ZNF44: variants seen among roughly 807,000 people sequenced by gnomAD.
ZNF44 encodes the protein zinc finger protein 44.
A neutral mutation model predicts 11.7 loss-of-function variants in ZNF44; 9 were observed. The observed-to-expected ratio is 0.77, with a 90% CI of 0.46 to 1.35. The LOEUF (loss-of-function observed/expected upper bound fraction) is 1.35, where lower values mean the gene tolerates loss of function less well. ZNF44 is among the 40% of genes most tolerant of loss of function. The pLI is 0.00. For missense variants in ZNF44, 696 were observed against 743.1 expected (o/e 0.94, Z 0.74); for synonymous variants, 224 against 242.7 (o/e 0.92, Z 0.72).
chr19:12,286,876 G>C (rs1164665519), intron 1 of ZNF44, among the ~76,000 whole-genome samples: 1 of 151,768 alleles, frequency 6.6e-6, no homozygotes, highest in African/African-American at 2.4e-5. Flanking sequence ...AGTGAGCCAA[G>C]ATTGCACCAC....
At chr19:12,253,145 G>A (rs528694824) in intron 5 of ZNF44, among the ~76,000 whole-genome samples, 8 of 149,450 alleles carry the variant, frequency 5.4e-5, no homozygotes, top group South Asian at 4.2e-4. Context: ...CGCCTCAGCC[G>A]CCCGAAGTGC....
chr19:12,227,800 C>T (rs940304366), intron 3 of ZNF44, among the ~76,000 whole-genome samples: 1 of 152,142 alleles, frequency 6.6e-6, no homozygotes, highest in African/African-American at 2.4e-5. Flanking sequence ...AAATATAGCC[C>T]AAAGAAAGCC....
chr19:12,263,188 G>A lies in ZNF44; in HGVS notation c.1912+9299C>T, dbSNP rs553534791. Among the ~76,000 whole-genome samples the A allele has an allele frequency of 2.0e-5, 3 of 151,758 alleles. No homozygotes were observed. In the South Asian group the frequency reaches 6.2e-4, roughly 32 times the overall value. On this transcript the variant is annotated intron_variant and NMD_transcript_variant, in intron 5 of 7. Coordinates refer to the ZNF44 transcript ENST00000393337. The stretch of plus-strand genomic sequence containing the variant: ...CGCAACCTCCATCTCATGGGTTCAA[G>A]CAATTCTCCTGCCTCAGCCTCCTGA...
chr19:12,246,013 A>G (rs1004140825), downstream of ZNF44, among the ~76,000 whole-genome samples: 1 of 152,214 alleles, frequency 6.6e-6, no homozygotes, highest in African/African-American at 2.4e-5. Flanking sequence ...CATCAAAGAT[A>G]TAATTTGCAG....
At chr19:12,233,481 T>A (rs1284019921) in intron 2 of ZNF44, among the ~76,000 whole-genome samples, 1 of 147,414 alleles carries the variant, frequency 6.8e-6, no homozygotes, top group African/African-American at 2.5e-5. Context: ...CCGGAGAAAT[T>A]GAACATACTT....
At chr19:12,242,283 A>G (rs1916643621), upstream of ZNF44, among the ~76,000 whole-genome samples, 2 of 152,178 alleles carry the variant, frequency 1.3e-5, no homozygotes, top group South Asian at 4.2e-4. Flanking sequence ...CGAGGTGGGC[A>G]GATCACATGA....
chr19:12,250,592 C>T (rs571922783), intron 5 of ZNF44, among the ~76,000 whole-genome samples: 9 of 152,158 alleles, frequency 5.9e-5, no homozygotes, highest in Non-Finnish European at 5.9e-5. Context: ...TATTGCTTTC[C>T]AATGGCAGGA....
upstream of ZNF44, among the ~76,000 whole-genome samples, chr19:12,240,194 A>G (rs1420124201): frequency 1.3e-5 from 2 of 152,104 alleles, no homozygotes; most frequent in African/African-American, 4.8e-5. Context: ...CTGTAATCCC[A>G]GCACTTTGGG....
intron 1 of ZNF44, among the ~76,000 whole-genome samples, chr19:12,283,784 G>C (rs1250311946): frequency 6.6e-6 from 1 of 152,188 alleles, no homozygotes; most frequent in Non-Finnish European, 1.5e-5. Flanking sequence ...GGAGGCCAAG[G>C]CAAGAGGAAC....
chr19:12,284,194 G>A, intron 1 of ZNF44: 1 of 238,398 alleles, frequency 4.2e-6, no homozygotes, highest in Non-Finnish European at 8.1e-6. Flanking sequence ...ACAGATGAAA[G>A]CCCACAAAGG....
intron 1 of ZNF44, among the ~76,000 whole-genome samples, chr19:12,281,305 G>A (rs928036697): frequency 3.9e-5 from 6 of 152,100 alleles, no homozygotes; most frequent in African/African-American, 1.4e-4. Context: ...CAACAAAGTG[G>A]AGATTGAAGC....
intron 1 of ZNF44, among the ~76,000 whole-genome samples, chr19:12,286,292 G>A (rs987587248): frequency 2.6e-5 from 4 of 151,996 alleles, no homozygotes; most frequent in Non-Finnish European, 4.4e-5. Flanking sequence ...AGGTTGCTCT[G>A]ATGAACTAGT....
intron 2 of ZNF44, 118 bp downstream of exon 2, chr19:12,275,838 C>G (rs1689600506): frequency 7.6e-7 from 1 of 1,319,644 alleles, no homozygotes. Context: ...GCACTTCACC[C>G]TGTGTTGTTC....
At chr19:12,230,763 G>GA (rs1916130494) in intron 2 of ZNF44, among the ~76,000 whole-genome samples, 1 of 152,156 alleles carries the variant, frequency 6.6e-6, no homozygotes, top group South Asian at 2.1e-4. Flanking sequence ...GTTTATTTTA[G>GA]AAAAAACCTG....
At chr19:12,243,478 A>G (rs577517428), downstream of ZNF44, among the ~76,000 whole-genome samples, 193 of 152,330 alleles carry the variant, frequency 1.3e-3, no homozygotes, top group Non-Finnish European at 2.0e-3. Flanking sequence ...CACCAGGTTT[A>G]TTCATGTGAC....
Position 12,273,891 on chromosome 19 carries a change from T to G in ZNF44, c.364A>C (p.Ile122Leu). ...TGTTTGTGTCCAGTATCAACTCTGA[T>G]GTAGCAATTCAGGGATGAATGACCC... ...IMGHSSLNCY[I>L]RVDTGHKHRE... Residue 122 changes from isoleucine to leucine, a missense_variant, in exon 4 of 4, where the codon ATC becomes CTC. By Grantham distance (5) the Ile-to-Leu change is conservative (BLOSUM62 2). Coordinates refer to ENST00000355684, the MANE Select transcript of ZNF44 (RefSeq NM_016264.4). The G allele has an allele frequency of 9.3e-6, 15 of 1,614,206 alleles. 1 individual carries two copies. The highest frequency in any genetic ancestry group is 1.2e-5 in the Non-Finnish European group (14 of 1,180,036).
intron 5 of ZNF44, among the ~76,000 whole-genome samples, chr19:12,255,815 G>A (rs1356891164): frequency 2.6e-5 from 4 of 151,928 alleles, no homozygotes; most frequent in South Asian, 2.1e-4. Flanking sequence ...CAAGGTGGGC[G>A]GATCACCTGA....
rs1405574833 is a variant in ZNF44, at chr19:12,294,817, A to T, written c.-123T>A. On this transcript the variant is annotated 5_prime_UTR_variant, in exon 1 of 4. Transcript: ENST00000355684. ...AGTGACAGAATACGGAACAGAGGTC[A>T]CCAGGGTGAAGAGGCCACTAGCTCC... 2 of 1,204,084 alleles carry T rather than the reference A, an allele frequency of 1.7e-6. No homozygotes were observed. The highest frequency in any genetic ancestry group is 3.1e-5 in the East Asian group (1 of 32,302). 74.6% of individuals were successfully genotyped at this position (1,204,084 alleles called of 1,614,324 possible). A position where few individuals can be genotyped will look rare whatever the true frequency, so the allele number is the denominator to read the frequency against.
At chr19:12,245,183 T>C (rs1370932318), downstream of ZNF44, among the ~76,000 whole-genome samples, 12 of 152,334 alleles carry the variant, frequency 7.9e-5, no homozygotes, top group East Asian at 2.1e-3. Flanking sequence ...TATATGCAAA[T>C]GGTAATACTG....
Sources: gnomAD v4.1 joint callset for allele counts (sites outside exome capture counted in the v4.1 genomes callset) on GRCh38, gnomAD v4.1.1 for gene constraint, MANE v1.5 for transcripts, NCBI Gene and HGNC (gene_info 2026-07-23, HGNC 2026-07-21) for gene names.